Variants in TRAK1 observed in about 807,000 individuals in gnomAD.
The protein encoded by TRAK1 is trafficking kinesin protein 1, also known as trafficking kinesin-binding protein 1.
In TRAK1, 33 loss-of-function variants were observed where a neutral mutation model predicts 92.1. That is an observed-to-expected ratio of 0.36 (90% CI 0.27 to 0.48). TRAK1 has a LOEUF of 0.48. Among genes scored for constraint, TRAK1 ranks in the 20% least tolerant of loss-of-function variants. The probability of loss-of-function intolerance (pLI) is 0.99; values close to 1 mark genes in which losing one functional copy is unlikely to be tolerated. For synonymous variants in TRAK1, 521 were observed against 517.3 expected, an observed-to-expected ratio of 1.01 and a Z score of -0.10; for missense variants, 1,123 against 1,257.9, an observed-to-expected ratio of 0.89 and a Z score of 1.62.
At chr3:42,129,186 G>T (rs1696867606) in intron 2 of TRAK1, among the ~76,000 whole-genome samples, 1 of 152,124 alleles carries the variant, frequency 6.6e-6, no homozygotes, top group Admixed American at 6.6e-5. Context: ...TCGTGTGTTT[G>T]TTTACACGTG....
intron 2 of TRAK1, among the ~76,000 whole-genome samples, chr3:42,166,718 G>A (rs1394649912): frequency 6.6e-6 from 1 of 152,224 alleles, no homozygotes; most frequent in African/African-American, 2.4e-5. Context: ...TGCAAGGCAA[G>A]GGAAAGTGAG....
intron 2 of TRAK1, among the ~76,000 whole-genome samples, chr3:42,139,185 C>A (rs1698361190): frequency 1.3e-5 from 2 of 152,124 alleles, no homozygotes; most frequent in South Asian, 4.1e-4. Flanking sequence ...AGTACTCTGG[C>A]TGTGTCCTTT....
intron 1 of TRAK1, among the ~76,000 whole-genome samples, chr3:42,114,949 G>A (rs1301263552): frequency 6.6e-6 from 1 of 152,140 alleles, no homozygotes; most frequent in Non-Finnish European, 1.5e-5. Flanking sequence ...CTAGCCTCTA[G>A]TGATCTGCCC....
At chr3:42,163,917 A>G (rs1442770916) in intron 2 of TRAK1, among the ~76,000 whole-genome samples, 1 of 152,210 alleles carries the variant, frequency 6.6e-6, no homozygotes, top group Non-Finnish European at 1.5e-5. Flanking sequence ...AGTAACCTCG[A>G]AAGAAAAACA....
At chr3:42,142,219 A>G (rs957296461) in intron 2 of TRAK1, among the ~76,000 whole-genome samples, 2 of 152,252 alleles carry the variant, frequency 1.3e-5, no homozygotes, top group Admixed American at 6.5e-5. Flanking sequence ...GGTGGACATT[A>G]TCTTTGGAGG....
chr3:42,057,026 A>T (rs1703230462), intron 1 of TRAK1, among the ~76,000 whole-genome samples: 2 of 152,200 alleles, frequency 1.3e-5, no homozygotes, highest in South Asian at 2.1e-4. Flanking sequence ...TAGAACAGGG[A>T]CCTGGTGAAG....
At chr3:42,124,944 A>C (rs1336432794) in intron 1 of TRAK1, among the ~76,000 whole-genome samples, 6 of 152,098 alleles carry the variant, frequency 3.9e-5, no homozygotes, top group Non-Finnish European at 8.8e-5. Context: ...GGATCGATGG[A>C]AGGAAGGAAG....
Position 42,201,062 on chromosome 3 carries a change from A to C in TRAK1, c.1427+8A>C, listed in dbSNP as rs750095037. ...AGAGGCAGCCGACCTGGGGTGAGCA[A>C]GCTGGGAGTTTTCACTTCTCTGTTT... On this transcript the variant is annotated splice_region_variant and intron_variant, in intron 12 of 15. Transcript: ENST00000327628. 2 of 1,613,770 alleles carry C rather than the reference A, an allele frequency of 1.2e-6. No homozygotes were observed. Among genetic ancestry groups the C allele is most frequent in the African/African-American group, 2.7e-5 (2 of 74,930 alleles).
chr3:42,127,888 T>C (rs1463378925), intron 2 of TRAK1, among the ~76,000 whole-genome samples: 1 of 152,140 alleles, frequency 6.6e-6, no homozygotes, highest in African/African-American at 2.4e-5. Context: ...TGTTTAACAG[T>C]AGACTTGAGG....
chr3:42,101,650 A>G (rs949984030), intron 1 of TRAK1, among the ~76,000 whole-genome samples: 4 of 152,214 alleles, frequency 2.6e-5, no homozygotes, highest in African/African-American at 9.6e-5. Context: ...GTTGCAGCAC[A>G]TGAAGCAGCC....
chr3:42,136,523 C>T (rs898551761), intron 2 of TRAK1, among the ~76,000 whole-genome samples: 3 of 151,836 alleles, frequency 2.0e-5, no homozygotes, highest in Non-Finnish European at 4.4e-5. Context: ...ACTCAGGAGG[C>T]TAAGGTGGGC....
In TRAK1 at chr3:42,223,434, C is replaced by T; in HGVS notation, c.2559C>T (p.Ala853=). Residue 853 remains alanine, a synonymous_variant, in exon 16 of 16, where the codon GCC becomes GCT. Transcript: ENST00000327628. The surrounding 1 kb of genome is among the most constrained non-coding windows in gnomAD (Gnocchi z 6.1). ...ACAAAGTCAGGAGGTTTGGGGTGGC[C>T]AAAGTGGTGAACTCAGGGCGAGCCC... ...LVDKVRRFGV[A]KVVNSGRAHV... 1 of 1,614,104 alleles carries T rather than the reference C, an allele frequency of 6.2e-7. No homozygotes were observed. The highest frequency in any genetic ancestry group is 8.5e-7 in the Non-Finnish European group (1 of 1,180,030).
intron 2 of TRAK1, among the ~76,000 whole-genome samples, chr3:42,164,271 G>A (rs1469331962): frequency 6.6e-6 from 1 of 152,236 alleles, no homozygotes; most frequent in Non-Finnish European, 1.5e-5. Flanking sequence ...TTGCCTAAAA[G>A]AGGTGCTTTT....
At chr3:42,022,963 C>T (rs1419365398) in intron 1 of TRAK1, among the ~76,000 whole-genome samples, 1 of 151,568 alleles carries the variant, frequency 6.6e-6, no homozygotes, top group Non-Finnish European at 1.5e-5. Flanking sequence ...TGGAGACGAT[C>T]CTGGCTAACA....
Position 42,194,890 on chromosome 3 carries a change from C to T in TRAK1, c.1062C>T (p.Thr354=), listed in dbSNP as rs1432987414. Residue 354 remains threonine, a synonymous_variant, in exon 10 of 16, where the codon ACC becomes ACT. Transcript: ENST00000327628. Reference sequence around the variant, plus strand: ...AGCTGAAGAACCTCCGGAACAAAACCATGCCCAATACCACGTCTCGGCGCT... The same window carrying T: ...AGCTGAAGAACCTCCGGAACAAAACTATGCCCAATACCACGTCTCGGCGCT... ...QEELKNLRNK[T]MPNTTSRRYH... The T allele has an allele frequency of 3.1e-6, 5 of 1,613,990 alleles. No homozygotes were observed. The African/African-American group carries it at 4.0e-5, about 13-fold the overall frequency.
intron 1 of TRAK1, among the ~76,000 whole-genome samples, chr3:42,052,188 T>C (rs1467122479): frequency 1.3e-5 from 2 of 152,236 alleles, no homozygotes; most frequent in Admixed American, 6.5e-5. Context: ...TTGTGTCATA[T>C]CTTAGGGATT....
At position 42,202,662 on chromosome 3, in the gene TRAK1, C is replaced by A. The variant is rs530695420; in HGVS notation, c.1654C>A (p.Arg552Ser). Residue 552 changes from arginine (R) to serine (S), a missense_variant, in exon 13 of 16, where the codon CGC becomes AGC. Arg to Ser is a moderately radical substitution (Grantham distance 110). Coordinates refer to ENST00000327628, the MANE Select transcript of TRAK1 (RefSeq NM_001042646.3). This position sits in a 1 kb window ranked among gnomAD's most constrained non-coding sequence, Gnocchi z 6.1. ...CATCATGTCCCTGGGCACGCACTCC[C>A]GCTTCTCCGAGTTCACCGGCTTCTC... The part of the protein sequence containing the change: ...ESIMSLGTHS[R>S]FSEFTGFSGM... The A allele has an allele frequency of 1.9e-6, 3 of 1,613,330 alleles. No homozygotes were observed. Among genetic ancestry groups the A allele is most frequent in the African/African-American group, 1.3e-5 (1 of 74,940 alleles).
At chr3:42,217,371 C>T in intron 14 of TRAK1, 3 of 985,380 alleles carry the variant, frequency 3.0e-6, no homozygotes, top group Non-Finnish European at 3.6e-6. Context: ...TGTTGATCTT[C>T]CTTGGTCTTC....
Position 42,210,085 on chromosome 3 carries a change from C to CGGAGGA in TRAK1, c.1963+127_1963+132dup, listed in dbSNP as rs10634555. On this transcript the variant is annotated intron_variant, in intron 14 of 15. Transcript: ENST00000327628. ...GAGATGCAGGAGCCGCCAGCGGCCA[C>CGGAGGA]GGAGGAGGAGGAGGAGGAGGAGGAG... 0.26 allele frequency: 412,479 copies of CGGAGGA among 1,573,388 alleles called. 13,939 individuals are homozygous for CGGAGGA. Among genetic ancestry groups the CGGAGGA allele is most frequent in the Admixed American group, 0.41 (23,458 of 57,408 alleles).
Sources: allele counts gnomAD v4.1 joint callset (sites outside exome capture counted in the v4.1 genomes callset), GRCh38; gene constraint gnomAD v4.1.1; non-coding constraint Gnocchi (gnomAD v3.1); transcripts MANE v1.5; gene names NCBI Gene and HGNC (gene_info 2026-07-23, HGNC 2026-07-21).